Variants in CDK19 observed in about 807,000 individuals in gnomAD.
The protein encoded by CDK19 is cyclin-dependent kinase 19.
In CDK19, 20 loss-of-function variants were observed where a neutral mutation model predicts 68.3. The observed-to-expected ratio is 0.29, with a 90% CI of 0.21 to 0.43. CDK19 has a LOEUF of 0.43. Ranked by LOEUF, CDK19 falls within the 20% of genes least tolerant of loss-of-function variation. The pLI is 1.00. For synonymous variants in CDK19, 221 were observed against 222.8 expected (o/e 0.99, Z 0.07); for missense variants, 339 against 623.5 (o/e 0.54, Z 4.86).
chr6:110,683,512 G>T (rs1345584093), intron 2 of CDK19, among the ~76,000 whole-genome samples: 1 of 152,002 alleles, frequency 6.6e-6, no homozygotes, highest in Non-Finnish European at 1.5e-5. Context: ...TAATAAAATG[G>T]CTATATGAAA....
intron 4 of CDK19, chr6:110,646,560 T>C (rs971640685): frequency 2.0e-5 from 20 of 1,021,864 alleles, no homozygotes; most frequent in Non-Finnish European, 2.7e-5. Context: ...TCGTGCTGAG[T>C]ACGGCCACCT....
At chr6:110,644,108 A>G (rs1780381351) in intron 4 of CDK19, among the ~76,000 whole-genome samples, 1 of 152,076 alleles carries the variant, frequency 6.6e-6, no homozygotes, top group African/African-American at 2.4e-5. Context: ...CCTGGCCAAC[A>G]TGGTGAAACC....
chr6:110,655,321 G>A (rs986349550), intron 4 of CDK19, among the ~76,000 whole-genome samples: 5 of 151,206 alleles, frequency 3.3e-5, no homozygotes, highest in East Asian at 1.9e-4. Flanking sequence ...AGCCGAGATC[G>A]CGCCACTGCA....
intron 2 of CDK19, among the ~76,000 whole-genome samples, chr6:110,734,198 T>C (rs1170191961): frequency 6.6e-6 from 1 of 151,982 alleles, no homozygotes; most frequent in Non-Finnish European, 1.5e-5. Context: ...TTAGTAGAGA[T>C]GGGGTTTCGC....
At chr6:110,726,061 C>A (rs770997966) in intron 2 of CDK19, among the ~76,000 whole-genome samples, 1 of 151,362 alleles carries the variant, frequency 6.6e-6, no homozygotes, top group African/African-American at 2.4e-5. Flanking sequence ...CATTTTAATA[C>A]CATTTTTAAA....
intron 1 of CDK19, among the ~76,000 whole-genome samples, chr6:110,808,344 C>T (rs942313042): frequency 6.6e-6 from 1 of 152,186 alleles, no homozygotes; most frequent in African/African-American, 2.4e-5. Context: ...CTGCTCTACA[C>T]CAGGAGTCAA....
intron 2 of CDK19, among the ~76,000 whole-genome samples, chr6:110,723,146 A>C (rs1285629842): frequency 2.0e-5 from 2 of 102,340 alleles, no homozygotes; most frequent in East Asian, 2.0e-4. Flanking sequence ...AAAAAAAACA[A>C]AAAACAAAAA....
chr6:110,686,052 T>A (rs547513576), intron 2 of CDK19, among the ~76,000 whole-genome samples: 1 of 152,124 alleles, frequency 6.6e-6, no homozygotes, highest in South Asian at 2.1e-4. Context: ...AGAAGCATGA[T>A]GGAAAATACC....
chr6:110,620,376 TAAAAC>T (rs1331416120), intron 12 of CDK19, among the ~76,000 whole-genome samples: 1 of 141,684 alleles, frequency 7.1e-6, no homozygotes, highest in Non-Finnish European at 1.5e-5. Context: ...GTTCTAAACT[TAAAAC>T]AAACAAAAAA....
At chr6:110,718,004 C>CT (rs1374920815) in intron 2 of CDK19, among the ~76,000 whole-genome samples, 1 of 152,052 alleles carries the variant, frequency 6.6e-6, no homozygotes, top group Admixed American at 6.5e-5. Flanking sequence ...TAAAGCAGGC[C>CT]TAAAGGAGCC....
chr6:110,791,976 CTT>C (rs201918838), intron 1 of CDK19, among the ~76,000 whole-genome samples: 4 of 144,638 alleles, frequency 2.8e-5, no homozygotes, highest in Admixed American at 7.0e-5. Context: ...TTTTCTTAAA[CTT>C]TTTTTTTTTT....
chr6:110,654,634 C>T (rs1017601801), intron 4 of CDK19, among the ~76,000 whole-genome samples: 3 of 152,192 alleles, frequency 2.0e-5, no homozygotes, highest in African/African-American at 7.2e-5. Context: ...CTCTGAGAGG[C>T]AAGTTCCCAA....
intron 1 of CDK19, among the ~76,000 whole-genome samples, chr6:110,764,411 T>C (rs1779431810): frequency 6.6e-6 from 1 of 152,016 alleles, no homozygotes. Context: ...AAAAGACAAA[T>C]AGATCAATGG....
chr6:110,646,375 C>T, intron 4 of CDK19: 1 of 1,470,010 alleles, frequency 6.8e-7, no homozygotes, highest in Non-Finnish European at 9.0e-7. Context: ...GGCGACAGCG[C>T]CAACGACTTC....
intron 2 of CDK19, among the ~76,000 whole-genome samples, chr6:110,744,744 G>C (rs1777956314): frequency 6.6e-6 from 1 of 152,208 alleles, no homozygotes; most frequent in Non-Finnish European, 1.5e-5. Flanking sequence ...TAGAATTAAA[G>C]AAGGTATGAT....
chr6:110,763,056 C>A (rs1490974821), intron 1 of CDK19, among the ~76,000 whole-genome samples: 1 of 152,140 alleles, frequency 6.6e-6, no homozygotes, highest in African/African-American at 2.4e-5. Flanking sequence ...TTGGGAACTA[C>A]AACGCTTGCA....
intron 12 of CDK19, among the ~76,000 whole-genome samples, chr6:110,620,385 C>CA (rs36091149): frequency 0.23 from 35,522 of 151,578 alleles, 4,538 homozygotes; most frequent in African/African-American, 0.33. Flanking sequence ...TTAAAACAAA[C>CA]AAAAAAACAA....
chr6:110,785,921 C>T (rs140764626), intron 1 of CDK19, among the ~76,000 whole-genome samples: 58 of 151,126 alleles, frequency 3.8e-4, no homozygotes, highest in African/African-American at 4.4e-4. Flanking sequence ...CAGAGATTGT[C>T]GTGAGTCGAG....
At chr6:110,789,132 A>G (rs1781430573) in intron 1 of CDK19, among the ~76,000 whole-genome samples, 2 of 152,222 alleles carry the variant, frequency 1.3e-5, no homozygotes, top group African/African-American at 4.8e-5. Flanking sequence ...CTATGAAATT[A>G]TTATATTAAG....
Sources: gnomAD v4.1 joint callset for allele counts (sites outside exome capture counted in the v4.1 genomes callset) on GRCh38, gnomAD v4.1.1 for gene constraint, MANE v1.5 for transcripts, NCBI Gene and HGNC (gene_info 2026-07-23, HGNC 2026-07-21) for gene names.